The following PHEX variants were observed in gnomAD, a reference collection of about 807,000 sequenced individuals.
PHEX encodes the protein phosphate regulating endopeptidase X-linked.
A neutral mutation model predicts 68.0 loss-of-function variants in PHEX; 16 were observed. The observed-to-expected ratio is 0.24, with a 90% CI of 0.16 to 0.36. The LOEUF (loss-of-function observed/expected upper bound fraction) is 0.36. PHEX is among the 10% of genes least tolerant of loss of function. PHEX has a pLI of 1.00. For missense variants in PHEX, 480 were observed against 575.5 expected (o/e 0.83, Z 1.70); for synonymous variants, 208 against 205.1 (o/e 1.01, Z -0.12).
chrX:22,089,609 C>T (rs944195799), intron 5 of PHEX, among the ~76,000 whole-genome samples: 8 of 108,993 alleles, frequency 7.3e-5, no homozygotes, highest in South Asian at 8.0e-4. Context: ...TTAGTAGAGA[C>T]GGGGTTTCAC....
intron 3 of PHEX, among the ~76,000 whole-genome samples, chrX:22,060,649 A>G (rs1444815878): frequency 6.2e-5 from 7 of 112,173 alleles, no homozygotes; most frequent in Non-Finnish European, 9.4e-5. Flanking sequence ...ATTGCCACAC[A>G]TTATGAAAAG....
At chrX:22,231,408 T>C (rs1935731456) in intron 20 of PHEX, among the ~76,000 whole-genome samples, 1 of 111,326 alleles carries the variant, frequency 9.0e-6, no homozygotes, top group Non-Finnish European at 1.9e-5. Context: ...TCCTCAACTT[T>C]TTTTGGTTGG....
At chrX:22,063,396 T>A (rs1176429727) in intron 3 of PHEX, among the ~76,000 whole-genome samples, 3 of 112,660 alleles carry the variant, frequency 2.7e-5, no homozygotes, top group African/African-American at 9.7e-5. Context: ...AAAATTCTAC[T>A]CTTTTAATTG....
intron 16 of PHEX, among the ~76,000 whole-genome samples, chrX:22,215,709 C>T (rs746564899): frequency 9.0e-6 from 1 of 111,026 alleles, no homozygotes; most frequent in South Asian, 3.9e-4. Flanking sequence ...TACCCATTAA[C>T]CATCCCCACT....
rs1182752837 is a variant in PHEX, at chrX:22,073,635, GTTTTTTT to G, written c.350-2732_350-2726del. Among the ~76,000 whole-genome samples the G allele has an allele frequency of 3.6e-3, 190 of 53,203 alleles. 2 individuals are homozygous for G. The East Asian group carries it at 0.093, about 26-fold the overall frequency. The allele number at this position is 53,203 out of a possible 115,157, so 46.2% of individuals were successfully genotyped here. On this transcript the variant is annotated intron_variant, in intron 3 of 21. Coordinates refer to ENST00000379374, the MANE Select transcript of PHEX (RefSeq NM_000444.6). ...AAAGTCTGAGGTTTGCTGTGCTATA[GTTTTTTT>G]TTTTTTTTTTTTTTTTTTTTGGAAA...
chrX:22,222,822 G>A (rs1019834902), intron 18 of PHEX, among the ~76,000 whole-genome samples: 2 of 111,821 alleles, frequency 1.8e-5, no homozygotes, highest in Admixed American at 9.5e-5. Context: ...CAGGTTTTAC[G>A]TATGAGGTTC....
intron 11 of PHEX, among the ~76,000 whole-genome samples, chrX:22,130,465 C>CT (rs1365636901): frequency 9.6e-6 from 1 of 104,358 alleles, no homozygotes; most frequent in Admixed American, 1.1e-4. Context: ...TCGCTTGAAC[C>CT]TGGGAGGTGG....
At chrX:22,038,348 A>C in intron 1 of PHEX, 121 bp from the exon 2 acceptor site, 2 of 573,862 alleles carry the variant, frequency 3.5e-6, no homozygotes, top group Non-Finnish European at 6.3e-6. Context: ...GGGTTTTGGA[A>C]TACCGTGTCA....
At chrX:22,074,581 G>A (rs1929061805) in intron 3 of PHEX, among the ~76,000 whole-genome samples, 1 of 110,302 alleles carries the variant, frequency 9.1e-6, no homozygotes, top group Non-Finnish European at 1.9e-5. Flanking sequence ...TTTTTAGCCT[G>A]TGGAGTGCTT....
At chrX:22,080,805 C>T in intron 5 of PHEX, among the ~76,000 whole-genome samples, 1 of 111,727 alleles carries the variant, frequency 9.0e-6, no homozygotes, top group East Asian at 2.8e-4. Context: ...CACCGAATAT[C>T]CTCGTGCAAA....
chrX:22,204,247 C>G (rs182180231), intron 15 of PHEX, among the ~76,000 whole-genome samples: 3 of 111,130 alleles, frequency 2.7e-5, no homozygotes, highest in Admixed American at 9.5e-5. Flanking sequence ...GTTTGCAGAC[C>G]AAGATTTGAT....
At chrX:22,142,177 G>A (rs778168608) in intron 12 of PHEX, among the ~76,000 whole-genome samples, 9 of 111,732 alleles carry the variant, frequency 8.1e-5, no homozygotes, top group East Asian at 2.8e-4. Flanking sequence ...GCTTGAACCC[G>A]GAAGGCGGAG....
At chrX:22,113,943 CTTTTTTTTT>C (rs746349559) in intron 10 of PHEX, among the ~76,000 whole-genome samples, 2 of 63,996 alleles carry the variant, frequency 3.1e-5, no homozygotes, top group East Asian at 1.0e-3. Flanking sequence ...TCTTCTTCTT[CTTTTTTTTT>C]TTTTTTTTTT....
chrX:22,127,351 G>A (rs1931782356), intron 11 of PHEX, among the ~76,000 whole-genome samples: 1 of 111,176 alleles, frequency 9.0e-6, no homozygotes, highest in African/African-American at 3.3e-5. Flanking sequence ...CCACTTTAAG[G>A]GATTTCTATT....
rs1390869417 is a variant in PHEX at position 22,249,454 on chromosome X, AAATATATATATATAT to A, written c.*1503_*1517del. The A allele has an allele frequency of 7.0e-5, 3 of 43,065 alleles. No individual in the cohort carries two copies. The highest frequency in any genetic ancestry group is 2.3e-4 in the African/African-American group (2 of 8,856). The allele number at this position is 43,065 out of a possible 1,213,427, so 3.5% of individuals were successfully genotyped here. Reference sequence around the variant, plus strand: ...TTTGTGATTCTTTTAAAAAAAAAAAAAATATATATATATATATATATATATATATATATGTATATC... The same window carrying A: ...TTTGTGATTCTTTTAAAAAAAAAAAAATATATATATATATATATGTATATC... On this transcript the variant is annotated 3_prime_UTR_variant, in exon 22 of 22. Coordinates refer to ENST00000379374, the MANE Select transcript of PHEX (RefSeq NM_000444.6).
At chrX:22,237,539 G>C (rs1936024383) in intron 20 of PHEX, among the ~76,000 whole-genome samples, 1 of 111,344 alleles carries the variant, frequency 9.0e-6, no homozygotes, top group Non-Finnish European at 1.9e-5. Context: ...AATCTAACTA[G>C]CCTCTAATTT....
intron 2 of PHEX, among the ~76,000 whole-genome samples, chrX:22,040,466 G>A (rs1364605505): frequency 9.0e-6 from 1 of 111,535 alleles, no homozygotes; most frequent in Non-Finnish European, 1.9e-5. Flanking sequence ...CCCCATCTCT[G>A]AAAGAAAGAA....
chrX:22,198,941 T>C (rs781451943), intron 15 of PHEX, among the ~76,000 whole-genome samples: 10 of 111,139 alleles, frequency 9.0e-5, no homozygotes, highest in Non-Finnish European at 1.7e-4. Context: ...AGCAAAGGCA[T>C]GTCTTACATG....
intron 15 of PHEX, among the ~76,000 whole-genome samples, chrX:22,207,184 T>C (rs961356996): frequency 1.8e-5 from 2 of 112,247 alleles, no homozygotes; most frequent in African/African-American, 3.2e-5. Flanking sequence ...AAGCAGGTTC[T>C]TGTGGCTTTC....
Sources: allele counts gnomAD v4.1 joint callset (sites outside exome capture counted in the v4.1 genomes callset), GRCh38; gene constraint gnomAD v4.1.1; transcripts MANE v1.5; gene names NCBI Gene and HGNC (gene_info 2026-07-23, HGNC 2026-07-21).